Variants in SLC35F3 observed in about 807,000 individuals in gnomAD.
SLC35F3 encodes the protein solute carrier family 35 member F3, also known as putative thiamine transporter SLC35F3.
SLC35F3 carries 25 observed loss-of-function variants against 49.9 expected under a neutral mutation model. That is an observed-to-expected ratio of 0.50 (90% confidence interval 0.37 to 0.70). The LOEUF (loss-of-function observed/expected upper bound fraction) is 0.70, where lower values mean the gene tolerates loss of function less well. SLC35F3 is among the 30% of genes least tolerant of loss of function. The probability of loss-of-function intolerance (pLI) is 0.00; values close to 1 mark genes in which losing one functional copy is unlikely to be tolerated. For synonymous variants in SLC35F3, 275 were observed against 265.4 expected (o/e 1.04, Z -0.35); for missense variants, 525 against 639.8 (o/e 0.82, Z 1.94).
intron 2 of SLC35F3, among the ~76,000 whole-genome samples, chr1:233,960,828 G>A (rs367644384): frequency 6.6e-5 from 10 of 152,034 alleles, no homozygotes; most frequent in South Asian, 2.1e-4. Flanking sequence ...AAGTTCTTTC[G>A]ACCTTGACCT....
chr1:234,118,857 G>A (rs1252981627), intron 2 of SLC35F3, among the ~76,000 whole-genome samples: 1 of 151,172 alleles, frequency 6.6e-6, no homozygotes, highest in Non-Finnish European at 1.5e-5. Flanking sequence ...TGACAAATAA[G>A]CAAATTATTT....
At chr1:234,147,185 C>T (rs1311843789) in intron 2 of SLC35F3, among the ~76,000 whole-genome samples, 1 of 149,892 alleles carries the variant, frequency 6.7e-6, no homozygotes, top group Non-Finnish European at 1.5e-5. Context: ...TCCTATTTGA[C>T]ACCCTTTAAT....
intron 2 of SLC35F3, among the ~76,000 whole-genome samples, chr1:234,039,620 TGC>T (rs1664191992): frequency 6.6e-6 from 1 of 152,198 alleles, no homozygotes; most frequent in African/African-American, 2.4e-5. Flanking sequence ...GTTTCATCCT[TGC>T]TGGTGACTGC....
intron 4 of SLC35F3, among the ~76,000 whole-genome samples, chr1:234,310,336 G>A (rs1657315295): frequency 6.6e-6 from 1 of 152,154 alleles, no homozygotes; most frequent in Non-Finnish European, 1.5e-5. Context: ...TTCCCTCATT[G>A]TCCTGGGAAC....
At chr1:234,276,127 C>T (rs1668207852) in intron 3 of SLC35F3, among the ~76,000 whole-genome samples, 1 of 152,120 alleles carries the variant, frequency 6.6e-6, no homozygotes, top group African/African-American at 2.4e-5. Context: ...TTTTATCACC[C>T]CTTTTTACAG....
intron 2 of SLC35F3, among the ~76,000 whole-genome samples, chr1:234,153,890 C>T (rs183531081): frequency 4.3e-4 from 65 of 151,758 alleles, no homozygotes; most frequent in African/African-American, 1.5e-3. Context: ...TGGCTAACCC[C>T]GTCTCTACTA....
intron 3 of SLC35F3, among the ~76,000 whole-genome samples, chr1:234,281,257 A>G (rs1418559272): frequency 6.6e-6 from 1 of 152,228 alleles, no homozygotes; most frequent in Admixed American, 6.5e-5. Flanking sequence ...CAGAAGGGTG[A>G]TGGTAGGAAG....
At chr1:234,254,646 A>G (rs918511468) in intron 3 of SLC35F3, among the ~76,000 whole-genome samples, 1 of 152,246 alleles carries the variant, frequency 6.6e-6, no homozygotes, top group African/African-American at 2.4e-5. Context: ...AAAAGATACT[A>G]TAAAGAAAAG....
At chr1:234,276,677 A>C (rs1248078845) in intron 3 of SLC35F3, among the ~76,000 whole-genome samples, 3 of 152,172 alleles carry the variant, frequency 2.0e-5, no homozygotes, top group East Asian at 3.9e-4. Flanking sequence ...ACACCTCTCT[A>C]TTGCGACAAC....
intron 2 of SLC35F3, among the ~76,000 whole-genome samples, chr1:233,940,643 A>G (rs1224291887): frequency 6.6e-6 from 1 of 152,222 alleles, no homozygotes. Context: ...AAGTAAACCT[A>G]ACTCTCAAAT....
chr1:233,992,686 G>A (rs933465339), intron 2 of SLC35F3, among the ~76,000 whole-genome samples: 1 of 152,172 alleles, frequency 6.6e-6, no homozygotes, highest in Non-Finnish European at 1.5e-5. Flanking sequence ...ATGAGTTTTG[G>A]TGAGACAAAC....
At chr1:233,975,832 G>A (rs1572005075) in intron 2 of SLC35F3, among the ~76,000 whole-genome samples, 1 of 152,316 alleles carries the variant, frequency 6.6e-6, no homozygotes, top group African/African-American at 2.4e-5. Flanking sequence ...GAACTGGACA[G>A]CCCTTAGACC....
At chr1:234,037,035 C>A (rs1340039706) in intron 2 of SLC35F3, among the ~76,000 whole-genome samples, 2 of 152,098 alleles carry the variant, frequency 1.3e-5, no homozygotes. Flanking sequence ...TAAGCCTACT[C>A]GATGTTAGAT....
intron 2 of SLC35F3, among the ~76,000 whole-genome samples, chr1:234,061,428 C>T (rs1411701014): frequency 1.3e-5 from 2 of 152,044 alleles, no homozygotes; most frequent in Non-Finnish European, 2.9e-5. Context: ...TGTCACGTGT[C>T]TGTGACTCTC....
chr1:233,967,106 T>C (rs1662916854), intron 2 of SLC35F3, among the ~76,000 whole-genome samples: 1 of 152,232 alleles, frequency 6.6e-6, no homozygotes, highest in Non-Finnish European at 1.5e-5. Context: ...TTTCTCAGTA[T>C]AATTCTATGT....
intron 2 of SLC35F3, among the ~76,000 whole-genome samples, chr1:234,096,447 T>C (rs909027745): frequency 3.9e-5 from 6 of 152,226 alleles, no homozygotes; most frequent in African/African-American, 1.4e-4. Context: ...TTTATTTCAT[T>C]GTCGATCTTC....
At chr1:234,006,745 G>C (rs1431388939) in intron 2 of SLC35F3, among the ~76,000 whole-genome samples, 4 of 152,210 alleles carry the variant, frequency 2.6e-5, no homozygotes, top group Non-Finnish European at 4.4e-5. Flanking sequence ...AGAGATGAGA[G>C]CTGGGTACAA....
intron 2 of SLC35F3, among the ~76,000 whole-genome samples, chr1:234,084,027 TG>T (rs1305906405): frequency 2.0e-5 from 3 of 151,948 alleles, no homozygotes; most frequent in Non-Finnish European, 2.9e-5. Context: ...TTAGTAGAGA[TG>T]GGGTTTCTCC....
chr1:234,299,461 A>T (rs930502343), intron 3 of SLC35F3, among the ~76,000 whole-genome samples: 3 of 152,146 alleles, frequency 2.0e-5, no homozygotes, highest in Non-Finnish European at 4.4e-5. Flanking sequence ...GAAGAAAATG[A>T]CATCATTCAG....
Sources: gnomAD v4.1 joint callset for allele counts (sites outside exome capture counted in the v4.1 genomes callset) on GRCh38, gnomAD v4.1.1 for gene constraint, MANE v1.5 for transcripts, NCBI Gene and HGNC (gene_info 2026-07-23, HGNC 2026-07-21) for gene names.